Variants in PRLR observed in about 807,000 individuals in gnomAD.
PRLR encodes the protein prolactin receptor.
Under a neutral mutation model 40.2 loss-of-function variants are expected in PRLR, and 13 were observed. The observed-to-expected ratio is 0.32, with a 90% CI of 0.21 to 0.51. PRLR has a LOEUF of 0.51. PRLR is among the 20% of genes least tolerant of loss of function. The pLI, the probability that PRLR is intolerant of heterozygous loss-of-function variation, is 0.97. For synonymous variants in PRLR, 269 were observed against 278.7 expected, an observed-to-expected ratio of 0.97 and a Z score of 0.35; for missense variants, 656 against 747.3, an observed-to-expected ratio of 0.88 and a Z score of 1.42.
intron 2 of PRLR, among the ~76,000 whole-genome samples, chr5:35,094,325 G>A (rs1771401719): frequency 6.6e-6 from 1 of 152,134 alleles, no homozygotes; most frequent in Non-Finnish European, 1.5e-5. Context: ...TTTCACATGG[G>A]TGTAGGATTC....
intron 2 of PRLR, among the ~76,000 whole-genome samples, chr5:35,115,796 G>C (rs2111691509): frequency 1.3e-5 from 2 of 152,228 alleles, no homozygotes; most frequent in Non-Finnish European, 2.9e-5. Context: ...GGACTGGAAA[G>C]TTAACAATTA....
At chr5:35,113,637 T>C (rs1306610585) in intron 2 of PRLR, among the ~76,000 whole-genome samples, 1 of 152,238 alleles carries the variant, frequency 6.6e-6, no homozygotes. Context: ...GTCCTAAGAA[T>C]ACAATGTTTT....
chr5:35,182,660 T>C (rs115892277), intron 1 of PRLR, among the ~76,000 whole-genome samples: 69 of 152,330 alleles, frequency 4.5e-4, no homozygotes, highest in African/African-American at 1.6e-3. Flanking sequence ...AGATTTCATT[T>C]AGATAATTGA....
intron 5 of PRLR, among the ~76,000 whole-genome samples, chr5:35,074,680 T>C (rs1769960906): frequency 6.6e-6 from 1 of 151,952 alleles, no homozygotes; most frequent in Non-Finnish European, 1.5e-5. Context: ...GATGGTTGCA[T>C]AAAATTGTAA....
At position 35,070,108 on chromosome 5, in the gene PRLR, G is replaced by A; in HGVS notation, c.685+16C>T. On this transcript the variant is annotated intron_variant, in intron 7 of 9. Coordinates refer to ENST00000618457, the MANE Select transcript of PRLR (RefSeq NM_000949.7). ...CATATTTAGGGACATAAGCAAAAAA[G>A]AGCCAAGACGCTCACCACTAGGTAT... 1 of 1,589,868 alleles carries A rather than the reference G, an allele frequency of 6.3e-7. No individual in the cohort carries two copies. The highest frequency in any genetic ancestry group is 8.5e-7 in the Non-Finnish European group (1 of 1,173,624).
chr5:35,154,171 T>G (rs1345667479), intron 1 of PRLR, among the ~76,000 whole-genome samples: 2 of 152,178 alleles, frequency 1.3e-5, no homozygotes, highest in African/African-American at 4.8e-5. Context: ...AGAAAACTCA[T>G]AGAATTATAG....
At chr5:35,123,817 C>T (rs1434009039) in intron 1 of PRLR, among the ~76,000 whole-genome samples, 2 of 152,126 alleles carry the variant, frequency 1.3e-5, no homozygotes, top group African/African-American at 4.8e-5. Flanking sequence ...TGTCATTCTA[C>T]CCTCCCACCC....
intron 2 of PRLR, among the ~76,000 whole-genome samples, chr5:35,104,964 C>T (rs1413219849): frequency 6.6e-6 from 1 of 152,216 alleles, no homozygotes; most frequent in African/African-American, 2.4e-5. Flanking sequence ...CTAGGAGACA[C>T]TTCCCAGTAG....
At position 35,113,058 on chromosome 5, in the gene PRLR, C is replaced by A. The variant is rs569085004; in HGVS notation, c.-44+5003G>T. Among the ~76,000 whole-genome samples the A allele has an allele frequency of 2.0e-5, 3 of 152,256 alleles. No individual in the cohort carries two copies. In the South Asian group the frequency reaches 6.2e-4, roughly 32 times the overall value. ...TTGACCTATGTAGTGGCTGGAACAT[C>A]CATCCACCCACCCATCCATCCATCA... On this transcript the variant is annotated intron_variant, in intron 2 of 9. Transcript: ENST00000618457.
intron 1 of PRLR, among the ~76,000 whole-genome samples, chr5:35,202,100 C>A (rs1053270698): frequency 6.6e-6 from 1 of 152,180 alleles, no homozygotes; most frequent in African/African-American, 2.4e-5. Context: ...TACTCAAGTT[C>A]TTTATACTTC....
chr5:35,150,518 A>C (rs1403226178), intron 1 of PRLR, among the ~76,000 whole-genome samples: 1 of 152,244 alleles, frequency 6.6e-6, no homozygotes, highest in African/African-American at 2.4e-5. Context: ...TGATAACTCT[A>C]AGATGGATTA....
chr5:35,089,383 A>T (rs978985383), intron 3 of PRLR, among the ~76,000 whole-genome samples, 168 bp downstream of exon 3: 7 of 152,170 alleles, frequency 4.6e-5, no homozygotes, highest in African/African-American at 1.7e-4. Flanking sequence ...AATTGCATTA[A>T]TTTTTCTGCA....
chr5:35,110,621 C>A (rs1269113195), intron 2 of PRLR, among the ~76,000 whole-genome samples: 2 of 152,136 alleles, frequency 1.3e-5, no homozygotes, highest in African/African-American at 4.8e-5. Flanking sequence ...TCTCACTCAC[C>A]AAGAGCAGGC....
chr5:35,083,743 C>A (rs1770674714), intron 5 of PRLR, among the ~76,000 whole-genome samples: 1 of 144,350 alleles, frequency 6.9e-6, no homozygotes, highest in African/African-American at 2.7e-5. Context: ...TGGTCTTGAA[C>A]TCTTGATCTT....
At chr5:35,162,690 G>T (rs753860518) in intron 1 of PRLR, among the ~76,000 whole-genome samples, 3 of 152,158 alleles carry the variant, frequency 2.0e-5, no homozygotes, top group Non-Finnish European at 4.4e-5. Context: ...TGAAGAAAGG[G>T]AGGCTCTGGA....
Position 35,175,586 on chromosome 5 carries a change from T to C in PRLR, c.-106+54682A>G, listed in dbSNP as rs73078834. On this transcript the variant is annotated intron_variant, in intron 1 of 9. Coordinates refer to ENST00000618457, the MANE Select transcript of PRLR (RefSeq NM_000949.7). ...TAAGCAAGGAGGAAAAGGCCTTTTG[T>C]AAACTTTGCCTGAAGAGTTTCTAAG... Among the ~76,000 whole-genome samples the C allele has an allele frequency of 2.8e-3, 421 of 152,324 alleles. 3 individuals are homozygous for C. The highest frequency in any genetic ancestry group is 1.0e-2 in the African/African-American group (414 of 41,562).
intron 1 of PRLR, among the ~76,000 whole-genome samples, chr5:35,224,658 T>C (rs866382587): frequency 2.0e-5 from 3 of 152,190 alleles, no homozygotes; most frequent in Non-Finnish European, 4.4e-5. Context: ...CATTTCACCA[T>C]TAGCATTTTT....
chr5:35,116,328 G>A (rs983942419), intron 2 of PRLR, among the ~76,000 whole-genome samples: 1 of 152,084 alleles, frequency 6.6e-6, no homozygotes, highest in South Asian at 2.1e-4. Context: ...TTTTAAAAAA[G>A]GATTTCTGGT....
chr5:35,069,233 C>T (rs1769593733), intron 7 of PRLR, among the ~76,000 whole-genome samples: 1 of 152,046 alleles, frequency 6.6e-6, no homozygotes, highest in Admixed American at 6.6e-5. Flanking sequence ...AAACTCTTTG[C>T]CTACATTGCT....
Sources: allele counts gnomAD v4.1 joint callset (sites outside exome capture counted in the v4.1 genomes callset), GRCh38; gene constraint gnomAD v4.1.1; transcripts MANE v1.5; gene names NCBI Gene and HGNC (gene_info 2026-07-23, HGNC 2026-07-21).